Variants in CNOT10 observed in about 807,000 individuals in gnomAD.
CNOT10 encodes the protein CCR4-NOT transcription complex subunit 10.
CNOT10 carries 30 observed loss-of-function variants against 94.6 expected under a neutral mutation model. That is an observed-to-expected ratio of 0.32 (90% CI 0.24 to 0.43). The LOEUF is 0.43. CNOT10 is among the 20% of genes least tolerant of loss of function. The pLI is 1.00. For missense variants in CNOT10, 759 were observed against 877.2 expected, an observed-to-expected ratio of 0.87 and a Z score of 1.70; for synonymous variants, 289 against 301.6, an observed-to-expected ratio of 0.96 and a Z score of 0.43.
At chr3:32,738,648 G>C (rs1277851444) in intron 13 of CNOT10, among the ~76,000 whole-genome samples, 1 of 151,850 alleles carries the variant, frequency 6.6e-6, no homozygotes, top group Non-Finnish European at 1.5e-5. Context: ...ATTTTTAGTA[G>C]AGACAGGGTT....
At chr3:32,735,468 G>A in intron 12 of CNOT10, among the ~76,000 whole-genome samples, 1 of 152,188 alleles carries the variant, frequency 6.6e-6, no homozygotes, top group East Asian at 1.9e-4. Context: ...AGCACTTTGG[G>A]AGGCCAAGAT....
intron 7 of CNOT10, 114 bp from the exon 8 acceptor site, chr3:32,719,996 GTGAC>G (rs1698298999): frequency 4.1e-6 from 2 of 490,020 alleles, no homozygotes; most frequent in Middle Eastern, 5.9e-4. Context: ...ATAATTTTTT[GTGAC>G]TGACTTAATT....
chr3:32,748,453 T>A (rs188369849), intron 13 of CNOT10, among the ~76,000 whole-genome samples: 1 of 152,292 alleles, frequency 6.6e-6, no homozygotes, highest in East Asian at 1.9e-4. Flanking sequence ...AGACGATAGG[T>A]TTTTGAAATA....
chr3:32,737,805 CAAAAA>C (rs34248172), intron 13 of CNOT10, among the ~76,000 whole-genome samples: 1 of 142,302 alleles, frequency 7.0e-6, no homozygotes, highest in Non-Finnish European at 1.5e-5. Flanking sequence ...AACTCTGTCT[CAAAAA>C]AAAAAAGAAC....
At chr3:32,749,517 C>G (rs994410302) in intron 13 of CNOT10, among the ~76,000 whole-genome samples, 1 of 147,438 alleles carries the variant, frequency 6.8e-6, no homozygotes, top group African/African-American at 2.5e-5. Context: ...TCAAGTGATT[C>G]TCCTGCCTCA....
rs764313567 is a variant in CNOT10, at chr3:32,727,691, A to G, written c.1036A>G (p.Met346Val). ...AGGTAAAAAATTTTCAGGAAGACCC[A>G]TGTGTACGTTACTAACCAATAAGAG... Reference protein sequence around the residue: ...DPGKKFSGRPMCTLLTNKRYE... With the variant: ...DPGKKFSGRPVCTLLTNKRYE... Residue 346 changes from methionine to valine, a missense_variant, in exon 10 of 19, where the codon ATG becomes GTG. Around this residue, in one of 3 missense-constraint regions of CNOT10, gnomAD observed 682 missense variants for 799.4 expected, o/e 0.85. Coordinates refer to ENST00000328834, the MANE Select transcript of CNOT10 (RefSeq NM_015442.3). 1.2e-6 allele frequency: 2 copies of G among 1,613,632 alleles called. No homozygotes were observed. Among genetic ancestry groups the G allele is most frequent in the Non-Finnish European group, 1.7e-6 (2 of 1,179,696 alleles).
At position 32,730,518 on chromosome 3, in the gene CNOT10, T is replaced by C. The variant is rs531109143; in HGVS notation, c.1215+2648T>C. 8.5e-5 allele frequency: 13 copies of C among 152,254 alleles called. No individual in the cohort carries two copies. In the East Asian group the frequency reaches 2.3e-3, roughly 27 times the overall value. 9.4% of individuals were successfully genotyped at this position (152,254 alleles called of 1,614,324 possible). The stretch of plus-strand genomic sequence containing the variant: ...TGCCACCAGTAATATCTTTGTGCTT[T>C]TCCTCCTCCTAAAAAAAAACTTTAG... On this transcript the variant is annotated intron_variant, in intron 10 of 18. Transcript: ENST00000328834.
In CNOT10 at chr3:32,695,408, T is replaced by C. The variant is rs943469149; in HGVS notation, c.23-8460T>C. On this transcript the variant is annotated intron_variant, in intron 1 of 18. Coordinates refer to ENST00000328834, the MANE Select transcript of CNOT10 (RefSeq NM_015442.3). ...GTTGATTTCCTTAGGTCTTTTAACA[T>C]CCCTTTTTTCTTTGGAAAAGTTTTC... 6 of 534,154 alleles carry C rather than the reference T, an allele frequency of 1.1e-5. No individual in the cohort carries two copies. The Admixed American group carries it at 1.1e-4, about 10-fold the overall frequency. 33.1% of individuals were successfully genotyped at this position (534,154 alleles called of 1,614,324 possible). A position where few individuals can be genotyped will look rare whatever the true frequency, so the allele number is the denominator to read the frequency against.
chr3:32,685,612 C>A, intron 1 of CNOT10, 130 bp downstream of exon 1: 1 of 992,442 alleles, frequency 1.0e-6, no homozygotes, highest in Non-Finnish European at 1.5e-6. Flanking sequence ...ATTTCTTTAC[C>A]CCATCCTCTG....
rs1362206179 is a variant in CNOT10 at position 32,753,642 on chromosome 3, A to G, written c.1596-5816A>G. 3.2e-6 allele frequency: 5 copies of G among 1,572,554 alleles called. No homozygotes were observed. The African/African-American group carries it at 4.1e-5, about 13-fold the overall frequency. ...CAGGTGTAAAGCACCTACATCCATC[A>G]TCATCTCCTTATACAAGAAATTGGG... On this transcript the variant is annotated intron_variant, in intron 13 of 18. Coordinates refer to ENST00000328834, the MANE Select transcript of CNOT10 (RefSeq NM_015442.3).
At chr3:32,740,841 G>A (rs564163094) in intron 13 of CNOT10, among the ~76,000 whole-genome samples, 5 of 149,092 alleles carry the variant, frequency 3.4e-5, no homozygotes, top group South Asian at 2.1e-4. Context: ...CAGCCTGGAC[G>A]ACAGAGCGAG....
intron 2 of CNOT10, 47 bp downstream of exon 2, chr3:32,704,009 A>G: frequency 1.7e-6 from 2 of 1,184,770 alleles, no homozygotes; most frequent in Non-Finnish European, 2.5e-6. Flanking sequence ...GGGTTCTGTC[A>G]AGTATGAATC....
intron 18 of CNOT10, among the ~76,000 whole-genome samples, chr3:32,773,248 T>C (rs1700991257): frequency 6.6e-6 from 1 of 152,160 alleles, no homozygotes; most frequent in Non-Finnish European, 1.5e-5. Flanking sequence ...CTTTTTAAAA[T>C]TCCATTGCCT....
chr3:32,733,978 A>G lies in CNOT10; in HGVS notation c.1337+434A>G, dbSNP rs113649583. ...TAAAACATAAAGCAACCAAAGCAGT[A>G]TAGAAGCTGTCACATGTATAATCTT... On this transcript the variant is annotated intron_variant, in intron 11 of 18. Transcript: ENST00000328834. Among the ~76,000 whole-genome samples, 14 of 152,360 alleles carry G rather than the reference A, an allele frequency of 9.2e-5. No homozygotes were observed. In the South Asian group the frequency reaches 1.2e-3, roughly 14 times the overall value.
intron 13 of CNOT10, among the ~76,000 whole-genome samples, chr3:32,749,433 G>A (rs1383220677): frequency 4.4e-5 from 5 of 114,632 alleles, no homozygotes; most frequent in Admixed American, 9.8e-5. Context: ...TTTTGAGACT[G>A]AGTTTTGCTC....
At chr3:32,771,606 T>C (rs1212027393) in intron 18 of CNOT10, among the ~76,000 whole-genome samples, 2 of 151,746 alleles carry the variant, frequency 1.3e-5, no homozygotes, top group African/African-American at 4.8e-5. Context: ...TCTCAAATAA[T>C]AATAATAATA....
intron 10 of CNOT10, among the ~76,000 whole-genome samples, chr3:32,731,621 AT>A (rs1698958976): frequency 6.6e-6 from 1 of 152,056 alleles, no homozygotes; most frequent in Non-Finnish European, 1.5e-5. Flanking sequence ...GACTATAGGC[AT>A]GCATGACCGC....
rs146682831 is a variant in CNOT10, at chr3:32,766,222, G to A, written c.2004+1413G>A. ...GTTTCTCCATGTTGAGGCTGGTCTC[G>A]AACTCCTGGCCTCAGGTGATCCACC... On this transcript the variant is annotated intron_variant, in intron 17 of 18. Transcript: ENST00000328834. 4.3e-5 allele frequency among the ~76,000 whole-genome samples: 2 copies of A among 46,772 alleles called. 1 individual carries two copies. The highest frequency in any genetic ancestry group is 5.8e-4 in the Admixed American group (2 of 3,420). The allele number at this position is 46,772 out of a possible 152,430, so 30.7% of individuals were successfully genotyped here.
chr3:32,735,067 C>A, intron 12 of CNOT10, 91 bp downstream of exon 12: 1 of 1,089,652 alleles, frequency 9.2e-7, no homozygotes, highest in Non-Finnish European at 1.3e-6. Flanking sequence ...CTAAAATCTT[C>A]AACCTGAATT....
Sources: allele counts gnomAD v4.1 joint callset (sites outside exome capture counted in the v4.1 genomes callset), GRCh38; gene constraint gnomAD v4.1.1; regional missense constraint gnomAD v4.1.1; transcripts MANE v1.5; gene names NCBI Gene and HGNC (gene_info 2026-07-23, HGNC 2026-07-21).